The following COL23A1 variants were observed in gnomAD, a reference collection of about 807,000 sequenced individuals.
The protein encoded by COL23A1 is collagen type XXIII alpha 1 chain.
In COL23A1, 97 loss-of-function variants were observed where a neutral mutation model predicts 99.3. That is an observed-to-expected ratio of 0.98 (90% CI 0.83 to 1.16). The LOEUF is 1.16. Ranked by LOEUF, COL23A1 falls within the 50% of genes most tolerant of loss-of-function variation. The probability of loss-of-function intolerance (pLI) is 0.00; values close to 1 mark genes in which losing one functional copy is unlikely to be tolerated. For synonymous variants in COL23A1, 320 were observed against 308.2 expected (o/e 1.04, Z -0.40); for missense variants, 762 against 757.4 (o/e 1.01, Z -0.07).
intron 2 of COL23A1, among the ~76,000 whole-genome samples, chr5:178,494,321 G>A (rs1247768907): frequency 2.0e-5 from 3 of 152,186 alleles, no homozygotes. Context: ...AGATGGGAAG[G>A]TGAGCAGAGA....
intron 2 of COL23A1, among the ~76,000 whole-genome samples, chr5:178,463,682 CA>C (rs1338314230): frequency 2.6e-5 from 4 of 152,224 alleles, no homozygotes; most frequent in African/African-American, 9.6e-5. Flanking sequence ...CAGGCTTCCC[CA>C]AGGATGCTTT....
intron 12 of COL23A1, among the ~76,000 whole-genome samples, chr5:178,259,332 A>T (rs1191680789): frequency 1.3e-5 from 2 of 152,114 alleles, no homozygotes; most frequent in Non-Finnish European, 2.9e-5. Context: ...TTGAGCTCAC[A>T]TCAGTGGCAC....
chr5:178,245,848 G>T (rs908484689), intron 25 of COL23A1, 94 bp downstream of exon 25: 9 of 1,441,092 alleles, frequency 6.2e-6, no homozygotes, highest in Non-Finnish European at 7.8e-6. Context: ...GGGGAAAGGG[G>T]TCACACTTGA....
chr5:178,527,032 G>A (rs2113150971), intron 2 of COL23A1, among the ~76,000 whole-genome samples: 1 of 152,380 alleles, frequency 6.6e-6, no homozygotes, highest in Middle Eastern at 3.4e-3. Flanking sequence ...GGAGGGGGAA[G>A]CTGAGTCCGG....
At chr5:178,520,180 C>T (rs142056879) in intron 2 of COL23A1, among the ~76,000 whole-genome samples, 3 of 152,186 alleles carry the variant, frequency 2.0e-5, no homozygotes, top group Admixed American at 6.5e-5. Context: ...CGGGTGAATG[C>T]ATCGAAGGAT....
At chr5:178,385,278 GCTTC>G (rs1357466639) in intron 2 of COL23A1, among the ~76,000 whole-genome samples, 1 of 152,130 alleles carries the variant, frequency 6.6e-6, no homozygotes, top group East Asian at 1.9e-4. Context: ...AGCTGCTAAT[GCTTC>G]CCTCCCCCCA....
chr5:178,454,029 G>A (rs1002370423), intron 2 of COL23A1, among the ~76,000 whole-genome samples: 6 of 152,120 alleles, frequency 3.9e-5, no homozygotes, highest in African/African-American at 9.7e-5. Context: ...AAAAAGAGAC[G>A]TATTTATTTT....
intron 2 of COL23A1, among the ~76,000 whole-genome samples, chr5:178,442,483 T>C (rs1290714912): frequency 6.6e-6 from 1 of 152,106 alleles, no homozygotes; most frequent in Non-Finnish European, 1.5e-5. Flanking sequence ...AGTGCAAGCT[T>C]TATGAATCTA....
chr5:178,244,693 G>A (rs1764578526), intron 25 of COL23A1, among the ~76,000 whole-genome samples: 1 of 152,204 alleles, frequency 6.6e-6, no homozygotes, highest in African/African-American at 2.4e-5. Context: ...ACACAGTTGA[G>A]CCCTGGATCC....
chr5:178,542,507 G>A (rs1203323439), intron 2 of COL23A1, among the ~76,000 whole-genome samples: 2 of 152,212 alleles, frequency 1.3e-5, no homozygotes, highest in Non-Finnish European at 2.9e-5. Context: ...GGTCACTGCA[G>A]CCATCCCTCT....
chr5:178,509,110 T>C (rs1036302864), intron 2 of COL23A1, among the ~76,000 whole-genome samples: 3 of 152,170 alleles, frequency 2.0e-5, no homozygotes, highest in African/African-American at 7.2e-5. Context: ...AGCTTCTCCA[T>C]GATTGGTTTA....
In COL23A1 at chr5:178,590,309, G is replaced by T; in HGVS notation, c.-112C>A. The T allele has an allele frequency of 3.0e-6, 3 of 995,058 alleles. No homozygotes were observed. The highest frequency in any genetic ancestry group is 3.8e-6 in the Non-Finnish European group (3 of 794,922). The allele number at this position is 995,058 out of a possible 1,614,324, so 61.6% of individuals were successfully genotyped here. ...AGGCACGAGGTCCGCCGGGCGCGGG[G>T]GTTAGCCTCCGGGTAGCAGCGGATC... On this transcript the variant is annotated 5_prime_UTR_variant, in exon 1 of 29. Transcript: ENST00000390654. This position sits in a 1 kb window ranked among gnomAD's most constrained non-coding sequence, Gnocchi z 5.7.
chr5:178,253,779 C>G (rs1411401417), intron 16 of COL23A1, among the ~76,000 whole-genome samples: 1 of 152,092 alleles, frequency 6.6e-6, no homozygotes, highest in African/African-American at 2.4e-5. Flanking sequence ...CCGCGCCCGG[C>G]CGTGTTTTTA....
chr5:178,515,902 C>G (rs989849985), intron 2 of COL23A1, among the ~76,000 whole-genome samples: 1 of 152,102 alleles, frequency 6.6e-6, no homozygotes, highest in African/African-American at 2.4e-5. Context: ...GGAGTTGGAC[C>G]CGGTCCAGTG....
rs1762497854 is a variant in COL23A1, at chr5:178,366,683, T to G, written c.362-59764A>C. On this transcript the variant is annotated intron_variant, in intron 2 of 28. Transcript: ENST00000390654. The surrounding 1 kb of genome is among the most constrained non-coding windows in gnomAD (Gnocchi z 4.4). ...TAGAACCAAAACAGCATCCTGCCGC[T>G]GCCACGGTGGTGCAGCCACACTGAG... Among the ~76,000 whole-genome samples, 3 of 152,204 alleles carry G rather than the reference T, an allele frequency of 2.0e-5. No homozygotes were observed. The highest frequency in any genetic ancestry group is 6.5e-5 in the Admixed American group (1 of 15,282).
At chr5:178,259,619 C>T (rs1412751584) in intron 12 of COL23A1, 102 bp downstream of exon 12, 4 of 1,162,860 alleles carry the variant, frequency 3.4e-6, no homozygotes, top group Non-Finnish European at 4.8e-6. Flanking sequence ...GCTCCCAGCC[C>T]ATCCCGTCCC....
intron 1 of COL23A1, among the ~76,000 whole-genome samples, chr5:178,566,745 G>A (rs1165005715): frequency 6.6e-6 from 1 of 152,058 alleles, no homozygotes; most frequent in African/African-American, 2.4e-5. Context: ...GAACCCGGGA[G>A]GCGAAGGTTG....
intron 2 of COL23A1, among the ~76,000 whole-genome samples, chr5:178,495,710 A>G (rs1007458179): frequency 2.0e-5 from 3 of 152,104 alleles, no homozygotes; most frequent in African/African-American, 7.2e-5. Flanking sequence ...AAGAAACAGC[A>G]AGCTGCAATA....
chr5:178,326,940 G>T (rs113623031), intron 2 of COL23A1, among the ~76,000 whole-genome samples: 5 of 152,170 alleles, frequency 3.3e-5, no homozygotes, highest in Non-Finnish European at 4.4e-5. Context: ...GGCTGGTCTC[G>T]AACTCCTGAC....
Sources: gnomAD v4.1 joint callset for allele counts (sites outside exome capture counted in the v4.1 genomes callset) on GRCh38, gnomAD v4.1.1 for gene constraint, Gnocchi (gnomAD v3.1) non-coding constraint, MANE v1.5 for transcripts, NCBI Gene and HGNC (gene_info 2026-07-23, HGNC 2026-07-21) for gene names.